NYAP2: variants seen among roughly 807,000 people sequenced by gnomAD.
NYAP2 encodes the protein neuronal tyrosine-phosphorylated phosphoinositide-3-kinase adapter 2.
A neutral mutation model predicts 50.4 loss-of-function variants in NYAP2; 23 were observed. The ratio of observed to expected loss-of-function variants is 0.46; its 90% CI spans 0.33 to 0.65. The LOEUF is 0.65. NYAP2 is among the 30% of genes least tolerant of loss of function. NYAP2 has a pLI of 0.02. For missense variants in NYAP2, 885 were observed against 861.0 expected, an observed-to-expected ratio of 1.03 and a Z score of -0.35; for synonymous variants, 394 against 365.2, an observed-to-expected ratio of 1.08 and a Z score of -0.90.
At chr2:225,692,198 C>T in the NYAP2 span, among the ~76,000 whole-genome samples, 1 of 152,060 alleles carries the variant, frequency 6.6e-6, no homozygotes, top group Non-Finnish European at 1.5e-5. Flanking sequence ...TAGAGATATG[C>T]ATGCTTGTAT....
rs373744557 is a variant in NYAP2, at chr2:225,630,663, G to T, written c.1828+3537G>T. Among the ~76,000 whole-genome samples the T allele has an allele frequency of 3.3e-4, 51 of 152,338 alleles. 1 individual carries two copies. The South Asian group carries it at 9.5e-3, about 28-fold the overall frequency. On this transcript the variant is annotated intron_variant, in intron 6 of 6. Transcript: ENST00000636099. The stretch of plus-strand genomic sequence containing the variant: ...AATGATGTTGCATAAGCAGTAGATG[G>T]TGTCTGCCATGTAATTAGGTTTTTA...
intron 4 of NYAP2, among the ~76,000 whole-genome samples, chr2:225,542,634 T>C (rs191462835): frequency 7.8e-4 from 118 of 152,126 alleles, no homozygotes; most frequent in African/African-American, 2.8e-3. Context: ...TTGGGCATGA[T>C]GAATGATCTT....
chr2:225,607,376 T>TG (rs1692806449), intron 5 of NYAP2, among the ~76,000 whole-genome samples: 1 of 152,084 alleles, frequency 6.6e-6, no homozygotes, highest in South Asian at 2.1e-4. Context: ...ATTACTATGA[T>TG]GGGGGCAGTG....
intron 3 of NYAP2, among the ~76,000 whole-genome samples, chr2:225,484,174 T>C (rs1690251916): frequency 6.6e-6 from 1 of 152,232 alleles, no homozygotes. Flanking sequence ...GCTCACATTT[T>C]CTAAAATGCC....
chr2:225,494,237 C>A (rs891674602), intron 3 of NYAP2, among the ~76,000 whole-genome samples: 3 of 152,208 alleles, frequency 2.0e-5, no homozygotes, highest in Non-Finnish European at 2.9e-5. Context: ...CTGAGCAAGA[C>A]AAATTACTCA....
intron 4 of NYAP2, among the ~76,000 whole-genome samples, chr2:225,514,486 G>A (rs1574653165): frequency 6.6e-6 from 1 of 152,156 alleles, no homozygotes. Context: ...GGAAGCCTGA[G>A]AGCTCTGTTG....
chr2:225,478,579 G>T (rs1160018037), intron 3 of NYAP2, among the ~76,000 whole-genome samples: 1 of 152,172 alleles, frequency 6.6e-6, no homozygotes, highest in Non-Finnish European at 1.5e-5. Flanking sequence ...CTTCAAGCCT[G>T]AAGGTGGGGA....
Position 225,547,812 on chromosome 2 carries a change from C to T in NYAP2, c.524-34129C>T, listed in dbSNP as rs370826309. Among the ~76,000 whole-genome samples the T allele has an allele frequency of 1.2e-3, 182 of 152,208 alleles. 4 individuals carry two copies. In the South Asian group the frequency reaches 0.027, roughly 23 times the overall value. On this transcript the variant is annotated intron_variant, in intron 4 of 6. Transcript: ENST00000636099. Reference sequence around the variant, plus strand: ...CTGATTTTTAGTTCTTATGAAGGTGCTATTTTGTGTGTAGACAGTTGTTAC... The same window carrying T: ...CTGATTTTTAGTTCTTATGAAGGTGTTATTTTGTGTGTAGACAGTTGTTAC...
chr2:225,432,139 G>A (rs956810805), intron 3 of NYAP2, among the ~76,000 whole-genome samples: 4 of 144,136 alleles, frequency 2.8e-5, no homozygotes, highest in African/African-American at 7.9e-5. Context: ...CACCACGCCC[G>A]CCTAATTTTT....
At chr2:225,483,551 G>A (rs1022030880) in intron 3 of NYAP2, among the ~76,000 whole-genome samples, 1 of 152,084 alleles carries the variant, frequency 6.6e-6, no homozygotes, top group Non-Finnish European at 1.5e-5. Context: ...ATTATCACAA[G>A]AGCAACTCTT....
chr2:225,408,952 G>A, exon 3 of NYAP2: 1 of 1,611,902 alleles, frequency 6.2e-7, no homozygotes, highest in Non-Finnish European at 8.5e-7. Flanking sequence ...AGTACATTGA[G>A]GATATGGGGA....
At chr2:225,437,103 G>T (rs1327268038) in intron 3 of NYAP2, among the ~76,000 whole-genome samples, 1 of 151,812 alleles carries the variant, frequency 6.6e-6, no homozygotes, top group East Asian at 1.9e-4. Flanking sequence ...TGTATATATA[G>T]CACCCAAGCA....
chr2:225,525,700 A>G (rs1691138652), intron 4 of NYAP2, among the ~76,000 whole-genome samples: 2 of 152,168 alleles, frequency 1.3e-5, no homozygotes, highest in African/African-American at 4.8e-5. Flanking sequence ...TGATGGGTAC[A>G]ACAAAAGCCC....
At chr2:225,522,185 C>A (rs543003347) in intron 4 of NYAP2, among the ~76,000 whole-genome samples, 81 of 152,092 alleles carry the variant, frequency 5.3e-4, no homozygotes, top group African/African-American at 1.9e-3. Flanking sequence ...ATTAGTCTTG[C>A]TTTATTAACC....
At chr2:225,631,889 C>G (rs1693322383) in intron 6 of NYAP2, among the ~76,000 whole-genome samples, 1 of 152,180 alleles carries the variant, frequency 6.6e-6, no homozygotes, top group African/African-American at 2.4e-5. Context: ...ATGATCTCAG[C>G]TCACTGAAAC....
intron 4 of NYAP2, among the ~76,000 whole-genome samples, chr2:225,543,437 G>A (rs1019043391): frequency 4.0e-5 from 6 of 151,810 alleles, no homozygotes; most frequent in African/African-American, 1.4e-4. Flanking sequence ...TATCCCAAAA[G>A]TATTGGTATG....
chr2:225,532,032 A>G (rs531286484), intron 4 of NYAP2, among the ~76,000 whole-genome samples: 17 of 152,236 alleles, frequency 1.1e-4, no homozygotes, highest in Non-Finnish European at 2.4e-4. Flanking sequence ...TTAAAGAATA[A>G]TGTTATCAAT....
intron 3 of NYAP2, among the ~76,000 whole-genome samples, chr2:225,492,135 T>C (rs190898151): frequency 2.8e-4 from 43 of 152,180 alleles, no homozygotes; most frequent in Middle Eastern, 6.8e-3. Flanking sequence ...ATGTGGCCGG[T>C]GTGTGTGATT....
intron 4 of NYAP2, among the ~76,000 whole-genome samples, chr2:225,545,031 A>G (rs1255604701): frequency 3.3e-5 from 5 of 152,124 alleles, no homozygotes; most frequent in Admixed American, 2.6e-4. Context: ...GGCCTATAAG[A>G]TTTCAACTGA....
Sources: gnomAD v4.1 joint callset for allele counts (sites outside exome capture counted in the v4.1 genomes callset) on GRCh38, gnomAD v4.1.1 for gene constraint, MANE v1.5 for transcripts, NCBI Gene and HGNC (gene_info 2026-07-23, HGNC 2026-07-21) for gene names.